The following PAPPA2 variants were observed in gnomAD, a reference collection of about 807,000 sequenced individuals.
The protein encoded by PAPPA2 is pappalysin 2.
Under a neutral mutation model 176.4 loss-of-function variants are expected in PAPPA2, and 86 were observed. That is an observed-to-expected ratio of 0.49 (90% CI 0.41 to 0.58). The LOEUF (loss-of-function observed/expected upper bound fraction) is 0.58. Ranked by LOEUF, PAPPA2 falls within the 20% of genes least tolerant of loss-of-function variation. PAPPA2 has a pLI of 0.00. For missense variants in PAPPA2, 2,073 were observed against 2,256.9 expected, an observed-to-expected ratio of 0.92 and a Z score of 1.65; for synonymous variants, 809 against 852.2, an observed-to-expected ratio of 0.95 and a Z score of 0.88.
At chr1:176,498,203 G>T (rs7553663) in intron 1 of PAPPA2, among the ~76,000 whole-genome samples, 5,273 of 151,034 alleles carry the variant, frequency 0.035, 244 homozygotes, top group African/African-American at 0.12. Context: ...TGAGTAGATC[G>T]GGTGGATATT....
chr1:176,842,400 C>T lies in PAPPA2; in HGVS notation c.5322C>T (p.Asp1774=), dbSNP rs757254299. The change falls in exon 23 of 23, where the codon GAC becomes GAT. Residue 1774 remains aspartate, a synonymous_variant. Transcript: ENST00000367662. ...CCTAGGTCATTCCATTTGCTGCTGA[C>T]TGTGACCTGGATGAGTGCACCTGCC... ...SSKKVIPFAA[D]CDLDECTCRD... is the part of the protein sequence containing the mutation. 3 of 1,613,248 alleles carry T rather than the reference C, an allele frequency of 1.9e-6. No homozygotes were observed. The highest frequency in any genetic ancestry group is 2.5e-6 in the Non-Finnish European group (3 of 1,179,534).
At chr1:176,791,551 T>C in intron 19 of PAPPA2, 69 bp downstream of exon 19, 1 of 1,523,538 alleles carries the variant, frequency 6.6e-7, no homozygotes, top group Non-Finnish European at 9.0e-7. Context: ...CTGAATTTTT[T>C]TTAATTTTAT....
intron 2 of PAPPA2, among the ~76,000 whole-genome samples, chr1:176,591,486 A>G (rs1172788966): frequency 6.6e-6 from 1 of 151,928 alleles, no homozygotes; most frequent in East Asian, 1.9e-4. Flanking sequence ...AGAGCTATTT[A>G]TGCTTTCAAT....
At chr1:176,694,076 G>T (rs968080059) in intron 6 of PAPPA2, among the ~76,000 whole-genome samples, 1 of 152,096 alleles carries the variant, frequency 6.6e-6, no homozygotes, top group Non-Finnish European at 1.5e-5. Context: ...GGGGACTCAC[G>T]TCACATGGCC....
At chr1:176,770,879 A>C in intron 16 of PAPPA2, 88 bp from the exon 17 acceptor site, 1 of 1,244,658 alleles carries the variant, frequency 8.0e-7, no homozygotes, top group Non-Finnish European at 1.2e-6. Flanking sequence ...AGGCACCAGT[A>C]AGTTCAGAGG....
chr1:176,663,363 C>T (rs1452533327), intron 3 of PAPPA2, among the ~76,000 whole-genome samples: 1 of 152,132 alleles, frequency 6.6e-6, no homozygotes, highest in East Asian at 1.9e-4. Context: ...TAGACATAAG[C>T]CATGATTAGC....
intron 3 of PAPPA2, among the ~76,000 whole-genome samples, chr1:176,618,088 T>G (rs1655371954): frequency 6.6e-6 from 1 of 152,210 alleles, no homozygotes; most frequent in African/African-American, 2.4e-5. Flanking sequence ...TTGAGAAATG[T>G]AGTTAAGTTG....
Position 176,771,211 on chromosome 1 carries a change from CTA to C in PAPPA2, c.4715+32_4715+33del, listed in dbSNP as rs1428880815. On this transcript the variant is annotated intron_variant, in intron 17 of 22. Transcript: ENST00000367662. ...TTGAATGTTCCTGGTCTTTGGAGTT[CTA>C]CCTACCTCGCTGCTTGTTATGTTTG... The C allele has an allele frequency of 1.9e-6, 3 of 1,590,246 alleles. No homozygotes were observed. The African/African-American group carries it at 4.0e-5, about 21-fold the overall frequency.
intron 1 of PAPPA2, among the ~76,000 whole-genome samples, chr1:176,534,453 T>C (rs1449686914): frequency 1.3e-5 from 2 of 152,214 alleles, no homozygotes; most frequent in African/African-American, 4.8e-5. Context: ...GGAAGAGCAA[T>C]TCTGGCTGCC....
chr1:176,783,763 G>A (rs1664814895), intron 17 of PAPPA2, among the ~76,000 whole-genome samples: 1 of 152,212 alleles, frequency 6.6e-6, no homozygotes, highest in African/African-American at 2.4e-5. Flanking sequence ...TTACAGGGCT[G>A]TGAGGTGGAT....
chr1:176,668,118 A>G (rs931388485), intron 3 of PAPPA2, among the ~76,000 whole-genome samples: 6 of 152,194 alleles, frequency 3.9e-5, no homozygotes, highest in African/African-American at 1.4e-4. Context: ...TCCACGGGGC[A>G]TGTCAGAACT....
At chr1:176,745,954 A>C (rs1662888005) in intron 14 of PAPPA2, among the ~76,000 whole-genome samples, 1 of 152,204 alleles carries the variant, frequency 6.6e-6, no homozygotes, top group Admixed American at 6.5e-5. Context: ...CCCACTGGGC[A>C]CTAATGAAAC....
At chr1:176,603,020 T>C (rs1484819502) in intron 3 of PAPPA2, among the ~76,000 whole-genome samples, 1 of 152,142 alleles carries the variant, frequency 6.6e-6, no homozygotes, top group African/African-American at 2.4e-5. Context: ...TGGGGAGTGG[T>C]GACTGTTTTT....
At chr1:176,714,004 A>C (rs1475239567) in intron 12 of PAPPA2, among the ~76,000 whole-genome samples, 1 of 152,146 alleles carries the variant, frequency 6.6e-6, no homozygotes, top group Non-Finnish European at 1.5e-5. Context: ...TTTTAACTCT[A>C]ACTCCCTTGA....
intron 14 of PAPPA2, among the ~76,000 whole-genome samples, chr1:176,742,931 G>A (rs1662750632): frequency 1.3e-5 from 2 of 152,036 alleles, no homozygotes; most frequent in East Asian, 1.9e-4. Flanking sequence ...ATGACCAGTG[G>A]CCCATCCCTC....
intron 14 of PAPPA2, among the ~76,000 whole-genome samples, chr1:176,748,794 G>T (rs114182522): frequency 6.6e-6 from 1 of 152,228 alleles, no homozygotes; most frequent in African/African-American, 2.4e-5. Flanking sequence ...ATAACATGCT[G>T]TACAGGTTTG....
intron 3 of PAPPA2, among the ~76,000 whole-genome samples, chr1:176,599,807 A>G (rs1441137234): frequency 6.6e-6 from 1 of 151,984 alleles, no homozygotes; most frequent in East Asian, 1.9e-4. Flanking sequence ...TTCACAGTAG[A>G]AACCACACTT....
intron 11 of PAPPA2, among the ~76,000 whole-genome samples, chr1:176,711,600 C>T (rs1430351829): frequency 6.6e-6 from 1 of 152,044 alleles, no homozygotes; most frequent in Non-Finnish European, 1.5e-5. Flanking sequence ...TGTGTAAGAC[C>T]CCTGGGCCGA....
At chr1:176,808,675 T>G (rs1018845597) in intron 21 of PAPPA2, among the ~76,000 whole-genome samples, 4 of 152,164 alleles carry the variant, frequency 2.6e-5, no homozygotes, top group African/African-American at 9.7e-5. Flanking sequence ...ACCTGAGTAT[T>G]TCATTGTTTT....
Sources: allele counts gnomAD v4.1 joint callset (sites outside exome capture counted in the v4.1 genomes callset), GRCh38; gene constraint gnomAD v4.1.1; transcripts MANE v1.5; gene names NCBI Gene and HGNC (gene_info 2026-07-23, HGNC 2026-07-21).